POC1B: variants seen among roughly 807,000 people sequenced by gnomAD.
The protein encoded by POC1B is POC1 centriolar protein homolog B.
POC1B carries 44 observed loss-of-function variants against 60.6 expected under a neutral mutation model. That is an observed-to-expected ratio of 0.73 (90% CI 0.57 to 0.93). The LOEUF (loss-of-function observed/expected upper bound fraction) is 0.93, where lower values mean the gene tolerates loss of function less well. Ranked by LOEUF, POC1B falls within the 40% of genes least tolerant of loss-of-function variation. The pLI is 0.00. For missense variants in POC1B, 555 were observed against 572.3 expected (o/e 0.97, Z 0.31); for synonymous variants, 180 against 198.9 (o/e 0.90, Z 0.80).
chr12:89,402,874 C>G, the POC1B span, among the ~76,000 whole-genome samples: 6 of 151,798 alleles, frequency 4.0e-5, no homozygotes, highest in South Asian at 1.0e-3. Context: ...TCCCAAATAC[C>G]TGGCTAATTT....
intron 10 of POC1B, among the ~76,000 whole-genome samples, chr12:89,446,657 G>A (rs1021599835): frequency 8.6e-5 from 13 of 151,772 alleles, no homozygotes; most frequent in Non-Finnish European, 1.5e-4. Flanking sequence ...TGTAAATGAC[G>A]AGTTAATGGG....
chr12:89,439,743 A>C (rs867930205), intron 10 of POC1B, among the ~76,000 whole-genome samples: 3 of 152,184 alleles, frequency 2.0e-5, no homozygotes, highest in South Asian at 2.1e-4. Flanking sequence ...AGCTGGGATT[A>C]CATGCATGTA....
At chr12:89,522,754 T>C (rs1870990751) in intron 2 of POC1B, 2 of 1,517,616 alleles carry the variant, frequency 1.3e-6, no homozygotes, top group South Asian at 1.4e-5. Context: ...CTGAGGCTCT[T>C]AAGGCTCTTT....
At chr12:89,515,984 A>G (rs193253181) in intron 2 of POC1B, among the ~76,000 whole-genome samples, 257 of 152,326 alleles carry the variant, frequency 1.7e-3, no homozygotes, top group Middle Eastern at 0.014. Flanking sequence ...TTCTGAGATT[A>G]TAACTATACC....
downstream of POC1B, among the ~76,000 whole-genome samples, chr12:89,418,424 G>A (rs866481766): frequency 1.3e-5 from 2 of 152,168 alleles, no homozygotes; most frequent in African/African-American, 2.4e-5. Context: ...GAAGAGCCAC[G>A]TGCTTTGACT....
At chr12:89,439,298 T>A (rs1881413534) in intron 10 of POC1B, among the ~76,000 whole-genome samples, 1 of 152,174 alleles carries the variant, frequency 6.6e-6, no homozygotes, top group South Asian at 2.1e-4. Flanking sequence ...TCCCAGACTT[T>A]TTTTTACAGG....
chr12:89,487,458 G>C (rs537872420), intron 4 of POC1B, among the ~76,000 whole-genome samples: 1 of 152,330 alleles, frequency 6.6e-6, no homozygotes, highest in South Asian at 2.1e-4. Flanking sequence ...CCAGCTGGAA[G>C]AGAGGTAGTC....
In POC1B at chr12:89,518,537, A is replaced by G. The variant is rs77218161; in HGVS notation, c.100+6583T>C. 6.2e-3 allele frequency among the ~76,000 whole-genome samples: 928 copies of G among 150,892 alleles called. 12 individuals carry two copies. The highest frequency in any genetic ancestry group is 0.022 in the African/African-American group (898 of 40,844). The stretch of plus-strand genomic sequence containing the variant: ...AAAACTGAGATATTATTTAAATACC[A>G]TAACATTTAGTCTTTTAAAGTACAC... On this transcript the variant is annotated intron_variant, in intron 2 of 11. Coordinates refer to ENST00000313546, the MANE Select transcript of POC1B (RefSeq NM_172240.3).
At chr12:89,414,647 A>G in the POC1B span, among the ~76,000 whole-genome samples, 1 of 152,384 alleles carries the variant, frequency 6.6e-6, no homozygotes, top group Admixed American at 6.5e-5. Context: ...AAAATGAAGC[A>G]TATCAATTAT....
chr12:89,470,556 C>T, intron 6 of POC1B, 62 bp from the exon 7 acceptor site: 4 of 1,370,662 alleles, frequency 2.9e-6, no homozygotes, highest in Non-Finnish European at 3.9e-6. Context: ...GAAGATACCC[C>T]AGTGCCTTAT....
chr12:89,408,486 G>GT, the POC1B span, among the ~76,000 whole-genome samples: 15,622 of 136,250 alleles, frequency 0.11, 1,042 homozygotes, highest in Non-Finnish European at 0.15. Flanking sequence ...CTGACTTCTG[G>GT]TTTTTTTTTT....
At chr12:89,411,971 G>C in the POC1B span, among the ~76,000 whole-genome samples, 1 of 152,172 alleles carries the variant, frequency 6.6e-6, no homozygotes, top group Non-Finnish European at 1.5e-5. Context: ...CTCTAGGCTT[G>C]GAAAGGCTTC....
intron 4 of POC1B, chr12:89,472,630 C>T (rs1385433828): frequency 5.7e-6 from 1 of 175,872 alleles, no homozygotes; most frequent in African/African-American, 2.4e-5. Context: ...CTATTTCTGT[C>T]ACTTGCCAGC....
chr12:89,451,638 G>A (rs1882045296), intron 10 of POC1B, among the ~76,000 whole-genome samples: 1 of 152,206 alleles, frequency 6.6e-6, no homozygotes, highest in Admixed American at 6.5e-5. Context: ...AGTTCACTGA[G>A]ATGGTAAGGT....
chr12:89,403,254 G>C, the POC1B span, among the ~76,000 whole-genome samples: 6 of 152,266 alleles, frequency 3.9e-5, no homozygotes, highest in Non-Finnish European at 7.4e-5. Flanking sequence ...GTGTCTGCTC[G>C]CCTTGGCCTC....
the POC1B span, among the ~76,000 whole-genome samples, chr12:89,405,825 C>T: frequency 5.9e-5 from 9 of 151,802 alleles, no homozygotes; most frequent in Non-Finnish European, 8.8e-5. Flanking sequence ...TGTGGTGTCA[C>T]GCATCAGTAG....
chr12:89,441,487 G>A (rs1339169931), intron 10 of POC1B, among the ~76,000 whole-genome samples: 1 of 152,190 alleles, frequency 6.6e-6, no homozygotes, highest in African/African-American at 2.4e-5. Context: ...CTCTGCTGGT[G>A]ATACCCAGGC....
chr12:89,524,656 T>C, intron 2 of POC1B: 1 of 1,198,222 alleles, frequency 8.3e-7, no homozygotes, highest in East Asian at 2.5e-5. Flanking sequence ...AGGTTCTTCC[T>C]TTCATGCAGG....
intron 10 of POC1B, among the ~76,000 whole-genome samples, chr12:89,446,633 G>C (rs1253545747): frequency 6.6e-6 from 1 of 151,810 alleles, no homozygotes; most frequent in Non-Finnish European, 1.5e-5. Context: ...GATAGCATTA[G>C]GAGATATACC....
Sources: gnomAD v4.1 joint callset for allele counts (sites outside exome capture counted in the v4.1 genomes callset) on GRCh38, gnomAD v4.1.1 for gene constraint, MANE v1.5 for transcripts, NCBI Gene and HGNC (gene_info 2026-07-23, HGNC 2026-07-21) for gene names.